The following GPC5 variants were observed in gnomAD, a reference collection of about 807,000 sequenced individuals.
GPC5 encodes the protein glypican-5.
A neutral mutation model predicts 53.9 loss-of-function variants in GPC5; 47 were observed. The ratio of observed to expected loss-of-function variants is 0.87; its 90% CI spans 0.69 to 1.11. The LOEUF is 1.11. Among genes scored for constraint, GPC5 ranks in the 50% most tolerant of loss-of-function variants. The pLI is 0.00. For synonymous variants in GPC5, 286 were observed against 263.3 expected (o/e 1.09, Z -0.84); for missense variants, 748 against 713.1 (o/e 1.05, Z -0.56).
At chr13:91,900,060 A>T (rs1474564117) in intron 5 of GPC5, among the ~76,000 whole-genome samples, 1 of 152,152 alleles carries the variant, frequency 6.6e-6, no homozygotes, top group East Asian at 1.9e-4. Flanking sequence ...TCTTAGAATT[A>T]TCGTATCTTG....
At chr13:92,347,971 A>C (rs2139262222) in intron 7 of GPC5, among the ~76,000 whole-genome samples, 1 of 77,942 alleles carries the variant, frequency 1.3e-5, no homozygotes, top group South Asian at 4.0e-4. Context: ...ACAAAGCAAA[A>C]ATTATTAGGA....
rs201863902 is a variant in GPC5 at position 91,630,681 on chromosome 13, G to A, written c.326-62506G>A. Among the ~76,000 whole-genome samples, 14 of 152,182 alleles carry A rather than the reference G, an allele frequency of 9.2e-5. No individual in the cohort carries two copies. The East Asian group carries it at 9.7e-4, about 11-fold the overall frequency. The stretch of plus-strand genomic sequence containing the variant: ...ACAGAATGGAGAAGCCTCTTTGGGC[G>A]GGCTGGCTGTTGTAAAATAGTGGAA... On this transcript the variant is annotated intron_variant, in intron 2 of 7. Transcript: ENST00000377067.
chr13:92,598,635 G>C lies in GPC5; in HGVS notation c.1562-267647G>C, dbSNP rs1487086099. Among the ~76,000 whole-genome samples, 3 of 152,222 alleles carry C rather than the reference G, an allele frequency of 2.0e-5. No individual in the cohort carries two copies. In the East Asian group the frequency reaches 5.8e-4, roughly 29 times the overall value. Reference sequence around the variant, plus strand: ...ATGTCTCATGTGGAACGAGTTTAAAGAAAAATTTCAGTAGCATTTCAAAAT... The same window carrying C: ...ATGTCTCATGTGGAACGAGTTTAAACAAAAATTTCAGTAGCATTTCAAAAT... On this transcript the variant is annotated intron_variant, in intron 7 of 7. Transcript: ENST00000377067.
At chr13:92,531,649 G>A (rs985224523) in intron 7 of GPC5, among the ~76,000 whole-genome samples, 2 of 152,088 alleles carry the variant, frequency 1.3e-5, no homozygotes, top group Non-Finnish European at 2.9e-5. Context: ...CCTTGCTTCA[G>A]TTCAAAAACC....
chr13:92,859,221 C>T (rs1225691889), intron 7 of GPC5, among the ~76,000 whole-genome samples: 1 of 152,158 alleles, frequency 6.6e-6, no homozygotes, highest in East Asian at 1.9e-4. Context: ...TGCACTCCAG[C>T]ATGGGCAACA....
intron 1 of GPC5, among the ~76,000 whole-genome samples, chr13:91,425,092 G>T (rs563757322): frequency 6.6e-6 from 1 of 152,276 alleles, no homozygotes; most frequent in East Asian, 1.9e-4. Flanking sequence ...CATTTAAAAT[G>T]GAAGATTTAT....
chr13:92,446,707 G>A (rs1044599876), intron 7 of GPC5: 33 of 152,110 alleles, frequency 2.2e-4, no homozygotes, highest in African/African-American at 8.0e-4. Flanking sequence ...GAACACCCAA[G>A]CTGTTCTCCA....
At chr13:92,519,648 T>A (rs1433633676) in intron 7 of GPC5, among the ~76,000 whole-genome samples, 2 of 152,158 alleles carry the variant, frequency 1.3e-5, no homozygotes, top group Non-Finnish European at 2.9e-5. Context: ...GGGAAATTTA[T>A]AGCACTAAAT....
At chr13:92,406,446 C>A (rs940374771) in intron 7 of GPC5, among the ~76,000 whole-genome samples, 1 of 152,056 alleles carries the variant, frequency 6.6e-6, no homozygotes, top group Non-Finnish European at 1.5e-5. Flanking sequence ...CCAAAATATA[C>A]GTGGAGCTAT....
intron 2 of GPC5, among the ~76,000 whole-genome samples, chr13:91,609,820 G>A (rs533867003): frequency 6.6e-6 from 1 of 152,256 alleles, no homozygotes; most frequent in South Asian, 2.1e-4. Context: ...GATGGATATG[G>A]AAAAAACCCA....
At chr13:91,562,184 A>T (rs2031297777) in intron 2 of GPC5, among the ~76,000 whole-genome samples, 1 of 112,558 alleles carries the variant, frequency 8.9e-6, no homozygotes. Context: ...AAAAGGAGCA[A>T]CAGTAAAAAA....
chr13:92,440,663 G>A (rs1277599082), intron 7 of GPC5, among the ~76,000 whole-genome samples: 1 of 152,100 alleles, frequency 6.6e-6, no homozygotes, highest in Non-Finnish European at 1.5e-5. Context: ...TTGGTTATTT[G>A]AGAAATCTCC....
chr13:92,652,092 T>C (rs1308284862), intron 7 of GPC5, among the ~76,000 whole-genome samples: 2 of 152,182 alleles, frequency 1.3e-5, no homozygotes, highest in Non-Finnish European at 2.9e-5. Context: ...TTGAGGGTTA[T>C]AGGAAATGGG....
At chr13:92,444,528 A>G (rs2139390176) in intron 7 of GPC5, among the ~76,000 whole-genome samples, 1 of 152,130 alleles carries the variant, frequency 6.6e-6, no homozygotes, top group South Asian at 2.1e-4. Context: ...GCAGTACTAA[A>G]TATTAGTATT....
intron 7 of GPC5, among the ~76,000 whole-genome samples, chr13:92,356,282 G>A (rs1007333909): frequency 1.3e-5 from 2 of 152,168 alleles, no homozygotes; most frequent in Non-Finnish European, 2.9e-5. Context: ...AGAGATGTGG[G>A]AAATAAGAGT....
chr13:91,800,891 G>GAT (rs1227791986), intron 5 of GPC5, among the ~76,000 whole-genome samples: 6 of 151,564 alleles, frequency 4.0e-5, no homozygotes, highest in African/African-American at 1.2e-4. Flanking sequence ...GTCTTTATAA[G>GAT]ATAAATGGCT....
chr13:92,632,771 C>T (rs549926593), intron 7 of GPC5, among the ~76,000 whole-genome samples: 2 of 152,214 alleles, frequency 1.3e-5, no homozygotes, highest in African/African-American at 4.8e-5. Context: ...CTCTCAGTTC[C>T]ACGTGGCTAG....
At chr13:92,109,842 A>C (rs1021529626) in intron 6 of GPC5, among the ~76,000 whole-genome samples, 1 of 152,168 alleles carries the variant, frequency 6.6e-6, no homozygotes, top group Non-Finnish European at 1.5e-5. Flanking sequence ...GATTTATCTG[A>C]TCAATCACTA....
intron 5 of GPC5, among the ~76,000 whole-genome samples, chr13:91,767,274 C>A (rs2037543268): frequency 6.6e-6 from 1 of 152,152 alleles, no homozygotes; most frequent in South Asian, 2.1e-4. Context: ...TCTTAATGGG[C>A]AGTTCATCAG....
Sources: allele counts gnomAD v4.1 joint callset (sites outside exome capture counted in the v4.1 genomes callset), GRCh38; gene constraint gnomAD v4.1.1; transcripts MANE v1.5; gene names NCBI Gene and HGNC (gene_info 2026-07-23, HGNC 2026-07-21).